Variants in EPHA4 observed in about 807,000 individuals in gnomAD.
The protein encoded by EPHA4 is ephrin type-A receptor 4.
Under a neutral mutation model 108.3 loss-of-function variants are expected in EPHA4, and 19 were observed. The ratio of observed to expected loss-of-function variants is 0.18; its 90% CI spans 0.12 to 0.26. EPHA4 has a LOEUF of 0.26. Among genes scored for constraint, EPHA4 ranks in the 10% least tolerant of loss-of-function variants. EPHA4 has a pLI of 1.00. For missense variants in EPHA4, 917 were observed against 1,254.0 expected (o/e 0.73, Z 4.06); for synonymous variants, 449 against 455.5 (o/e 0.99, Z 0.18).
intron 3 of EPHA4, among the ~76,000 whole-genome samples, chr2:221,537,423 G>A (rs1314915782): frequency 6.6e-6 from 1 of 152,190 alleles, no homozygotes; most frequent in East Asian, 1.9e-4. Context: ...CCTGGTCAGT[G>A]AATTATTTGA....
intron 3 of EPHA4, among the ~76,000 whole-genome samples, chr2:221,528,883 C>T (rs1274711053): frequency 6.6e-6 from 1 of 152,142 alleles, no homozygotes; most frequent in African/African-American, 2.4e-5. Context: ...TGCTCTTATC[C>T]TCTGTCCGAC....
intron 4 of EPHA4, among the ~76,000 whole-genome samples, chr2:221,496,131 G>A (rs1692285627): frequency 6.6e-6 from 1 of 152,194 alleles, no homozygotes; most frequent in South Asian, 2.1e-4. Flanking sequence ...GCTGGGGGCA[G>A]CGTGCGAGTG....
chr2:221,505,761 C>T (rs1299232818), intron 3 of EPHA4, among the ~76,000 whole-genome samples: 2 of 152,154 alleles, frequency 1.3e-5, no homozygotes, highest in Non-Finnish European at 2.9e-5. Context: ...CACACACATG[C>T]TACTCTTGCA....
intron 13 of EPHA4, among the ~76,000 whole-genome samples, chr2:221,434,502 T>A (rs1349515677): frequency 6.6e-6 from 1 of 152,028 alleles, no homozygotes; most frequent in Non-Finnish European, 1.5e-5. Context: ...GACTAAGTAA[T>A]CTAATTATGT....
chr2:221,558,103 T>C (rs79426787), intron 3 of EPHA4, among the ~76,000 whole-genome samples: 35 of 152,328 alleles, frequency 2.3e-4, no homozygotes, highest in African/African-American at 7.5e-4. Flanking sequence ...AGAAAAGCTA[T>C]ATTCTCTAAT....
At chr2:221,499,756 A>ATTT (rs575017779) in intron 4 of EPHA4, among the ~76,000 whole-genome samples, 16 of 26,222 alleles carry the variant, frequency 6.1e-4, no homozygotes, top group South Asian at 4.8e-3. Flanking sequence ...ATATATATAT[A>ATTT]TTTTTTTTTT....
chr2:221,473,175 C>G lies in EPHA4; in HGVS notation c.1318+9177G>C, dbSNP rs193063922. ...GAACCTCTTTCATTTCTAATTTTGG[C>G]AGAAGCAAAGAATGAGAAAGCATGA... is the stretch of plus-strand genomic sequence containing the variant. On this transcript the variant is annotated intron_variant, in intron 5 of 17. Coordinates refer to ENST00000281821, the MANE Select transcript of EPHA4 (RefSeq NM_004438.5). Among the ~76,000 whole-genome samples the G allele has an allele frequency of 2.5e-3, 377 of 152,178 alleles. 1 individual carries two copies. The highest frequency in any genetic ancestry group is 8.8e-3 in the African/African-American group (366 of 41,518).
intron 11 of EPHA4, among the ~76,000 whole-genome samples, chr2:221,437,968 G>C (rs1318090104): frequency 6.6e-6 from 1 of 152,010 alleles, no homozygotes; most frequent in African/African-American, 2.4e-5. Context: ...TCTCTCCACT[G>C]TCTTGCTCAG....
chr2:221,498,351 A>T (rs113714057), intron 4 of EPHA4, among the ~76,000 whole-genome samples: 50 of 152,350 alleles, frequency 3.3e-4, no homozygotes, highest in African/African-American at 1.0e-3. Context: ...TGTCAGCCTC[A>T]AACACTTCCC....
chr2:221,423,302 T>C (rs1574549491), intron 17 of EPHA4, among the ~76,000 whole-genome samples: 1 of 152,380 alleles, frequency 6.6e-6, no homozygotes, highest in East Asian at 1.9e-4. Flanking sequence ...AACATTTCAG[T>C]TGGCTTTAGA....
intron 3 of EPHA4, among the ~76,000 whole-genome samples, chr2:221,525,149 A>G (rs192444253): frequency 1.1e-3 from 173 of 152,202 alleles, no homozygotes; most frequent in African/African-American, 4.1e-3. Context: ...GACTAGACCA[A>G]CCTGTCAGGG....
rs371488856 is a variant in EPHA4, at chr2:221,567,505, G to T, written c.159+1213C>A. 1.2e-4 allele frequency among the ~76,000 whole-genome samples: 18 copies of T among 152,288 alleles called. No homozygotes were observed. The East Asian group carries it at 2.5e-3, about 21-fold the overall frequency. ...CACTCCTCCCTCCTTTAAAAAGATGGTTTTAAGGGCAGACTGGAATTTTTC... is the reference window on the plus strand; with the variant it reads ...CACTCCTCCCTCCTTTAAAAAGATGTTTTTAAGGGCAGACTGGAATTTTTC... On this transcript the variant is annotated intron_variant, in intron 2 of 17. Transcript: ENST00000281821.
chr2:221,517,909 A>T (rs1296096439), intron 3 of EPHA4, among the ~76,000 whole-genome samples: 1 of 152,182 alleles, frequency 6.6e-6, no homozygotes. Context: ...TGAGGAAGCC[A>T]GCCGAGGGGC....
At chr2:221,528,201 G>A (rs1443378989) in intron 3 of EPHA4, among the ~76,000 whole-genome samples, 1 of 152,158 alleles carries the variant, frequency 6.6e-6, no homozygotes, top group Non-Finnish European at 1.5e-5. Context: ...AGGTGAAAGA[G>A]CAAACATATT....
At chr2:221,567,989 G>T (rs1694722023) in intron 2 of EPHA4, among the ~76,000 whole-genome samples, 1 of 152,202 alleles carries the variant, frequency 6.6e-6, no homozygotes, top group Admixed American at 6.5e-5. Flanking sequence ...TGGTTATTTA[G>T]GGGGAGTAGG....
At chr2:221,486,818 G>A (rs556109824) in intron 4 of EPHA4, among the ~76,000 whole-genome samples, 12 of 150,916 alleles carry the variant, frequency 8.0e-5, no homozygotes, top group East Asian at 5.8e-4. Flanking sequence ...ATGGTTCCTC[G>A]TTCAGAAATT....
At chr2:221,428,901 T>C (rs1396909711) in intron 15 of EPHA4, among the ~76,000 whole-genome samples, 3 of 152,188 alleles carry the variant, frequency 2.0e-5, no homozygotes, top group African/African-American at 7.2e-5. Flanking sequence ...ACAGTTCTCT[T>C]TTTTTTCATG....
At chr2:221,441,235 T>TA (rs1249749615) in intron 11 of EPHA4, among the ~76,000 whole-genome samples, 3 of 148,812 alleles carry the variant, frequency 2.0e-5, no homozygotes, top group Admixed American at 6.7e-5. Flanking sequence ...AGGTTTCTAT[T>TA]AAAAAAATAG....
intron 5 of EPHA4, among the ~76,000 whole-genome samples, chr2:221,465,439 C>T (rs781679003): frequency 9.2e-5 from 14 of 152,126 alleles, no homozygotes; most frequent in Non-Finnish European, 1.9e-4. Context: ...GAATGTGATG[C>T]TATTCTTAGC....
Sources: allele counts gnomAD v4.1 joint callset (sites outside exome capture counted in the v4.1 genomes callset), GRCh38; gene constraint gnomAD v4.1.1; transcripts MANE v1.5; gene names NCBI Gene and HGNC (gene_info 2026-07-23, HGNC 2026-07-21).